Variants in STK3 observed in about 807,000 individuals in gnomAD.
STK3 encodes serine/threonine kinase 3, also known as serine/threonine-protein kinase 3.
A neutral mutation model predicts 58.0 loss-of-function variants in STK3; 41 were observed. The ratio of observed to expected loss-of-function variants is 0.71; its 90% CI spans 0.55 to 0.92. The LOEUF is 0.92. Ranked by LOEUF, STK3 falls within the 40% of genes least tolerant of loss-of-function variation. The pLI is 0.00. For missense variants in STK3, 479 were observed against 602.7 expected (o/e 0.79, Z 2.15); for synonymous variants, 170 against 191.0 (o/e 0.89, Z 0.91).
At chr8:98,390,414 A>G (rs915612239), upstream of STK3, among the ~76,000 whole-genome samples, 3 of 152,158 alleles carry the variant, frequency 2.0e-5, no homozygotes, top group African/African-American at 7.2e-5. Flanking sequence ...TTATACCACT[A>G]TAAGTAGTAT....
At chr8:98,698,768 C>T (rs1345140153) in intron 6 of STK3, among the ~76,000 whole-genome samples, 3 of 152,214 alleles carry the variant, frequency 2.0e-5, no homozygotes, top group Middle Eastern at 3.4e-3. Flanking sequence ...TGTGGGTAAC[C>T]CGACCTTTCT....
At chr8:98,640,013 T>C (rs1414298098) in intron 6 of STK3, among the ~76,000 whole-genome samples, 2 of 152,076 alleles carry the variant, frequency 1.3e-5, no homozygotes, top group African/African-American at 2.4e-5. Flanking sequence ...TGAGAGGCTG[T>C]TATTTGTTAT....
At chr8:98,736,708 T>C (rs1242500490) in intron 4 of STK3, among the ~76,000 whole-genome samples, 2 of 152,158 alleles carry the variant, frequency 1.3e-5, no homozygotes, top group African/African-American at 2.4e-5. Context: ...AATAAATATG[T>C]TACTTAGGTG....
At chr8:98,777,771 A>T (rs1831799409) in intron 1 of STK3, among the ~76,000 whole-genome samples, 1 of 152,226 alleles carries the variant, frequency 6.6e-6, no homozygotes. Flanking sequence ...CCATCCAAGC[A>T]ATGGGGAAAG....
chr8:98,530,009 C>G (rs1826052081), intron 9 of STK3, among the ~76,000 whole-genome samples: 1 of 152,148 alleles, frequency 6.6e-6, no homozygotes, highest in African/African-American at 2.4e-5. Context: ...GAACTAGATA[C>G]AGGCATATTT....
intron 10 of STK3, among the ~76,000 whole-genome samples, chr8:98,507,574 T>A (rs1310060450): frequency 1.3e-5 from 2 of 152,224 alleles, no homozygotes; most frequent in Admixed American, 6.5e-5. Context: ...TATTTCTCTA[T>A]GGCTACATAT....
At chr8:98,862,669 C>T (rs898326432) in intron 3 of STK3, among the ~76,000 whole-genome samples, 2 of 152,216 alleles carry the variant, frequency 1.3e-5, no homozygotes, top group African/African-American at 4.8e-5. Context: ...ATTTCAAGCT[C>T]ATGCGATTTT....
chr8:98,410,149 C>T (rs752175940), intron 3 of STK3, among the ~76,000 whole-genome samples: 7 of 152,000 alleles, frequency 4.6e-5, no homozygotes, highest in Non-Finnish European at 8.8e-5. Flanking sequence ...TGGCTAAAAT[C>T]GGTTTGGAAG....
rs554729463 is a variant in STK3 at position 98,781,627 on chromosome 8, GAT to G, written c.27-6810_27-6809del. On this transcript the variant is annotated intron_variant, in intron 1 of 10. Coordinates refer to ENST00000419617, the MANE Select transcript of STK3 (RefSeq NM_006281.4). Reference sequence around the variant, plus strand: ...TAGAAAGGAGATTATATTACCAAAAGATAAAGGATATTCCAGATTCTCCCTAG... The same window carrying G: ...TAGAAAGGAGATTATATTACCAAAAGAAAGGATATTCCAGATTCTCCCTAG... 3.5e-3 allele frequency among the ~76,000 whole-genome samples: 534 copies of G among 152,214 alleles called. 4 individuals carry two copies. Among genetic ancestry groups the G allele is most frequent in the South Asian group, 0.013 (62 of 4,816 alleles).
intron 3 of STK3, among the ~76,000 whole-genome samples, chr8:98,830,886 C>T (rs906353588): frequency 4.1e-5 from 6 of 145,476 alleles, no homozygotes; most frequent in East Asian, 2.1e-4. Flanking sequence ...AGGAGAATGG[C>T]GTGAACCCGG....
At chr8:98,874,322 T>C (rs1391361058) in intron 3 of STK3, among the ~76,000 whole-genome samples, 2 of 152,240 alleles carry the variant, frequency 1.3e-5, no homozygotes, top group African/African-American at 2.4e-5. Flanking sequence ...TTATGTGTCT[T>C]GGAGTTGCTC....
At chr8:98,423,805 T>A (rs1233254284) in intron 3 of STK3, among the ~76,000 whole-genome samples, 1 of 152,162 alleles carries the variant, frequency 6.6e-6, no homozygotes, top group Non-Finnish European at 1.5e-5. Flanking sequence ...GAGTCTGAGA[T>A]GTGTGGGCTC....
At chr8:98,625,923 C>T (rs530535342) in intron 6 of STK3, among the ~76,000 whole-genome samples, 3 of 152,248 alleles carry the variant, frequency 2.0e-5, no homozygotes, top group African/African-American at 7.2e-5. Context: ...TGATAGCAAA[C>T]ATGAGGAAGC....
chr8:98,393,195 T>C (rs1039442824), upstream of STK3, among the ~76,000 whole-genome samples: 3 of 152,186 alleles, frequency 2.0e-5, no homozygotes, highest in African/African-American at 7.2e-5. Flanking sequence ...TGGGGCTTAG[T>C]TGAACTTGGA....
At chr8:98,874,748 T>C (rs1837504223) in intron 3 of STK3, among the ~76,000 whole-genome samples, 1 of 151,474 alleles carries the variant, frequency 6.6e-6, no homozygotes, top group Admixed American at 6.6e-5. Flanking sequence ...CACCTCAGCC[T>C]CCCCAGTAGC....
chr8:98,712,093 T>C (rs1319028768), intron 4 of STK3, among the ~76,000 whole-genome samples: 1 of 152,190 alleles, frequency 6.6e-6, no homozygotes, highest in African/African-American at 2.4e-5. Flanking sequence ...TGAGAGATTT[T>C]GTCACCACCA....
chr8:98,714,427 A>C (rs1826820072), intron 4 of STK3, among the ~76,000 whole-genome samples: 1 of 152,234 alleles, frequency 6.6e-6, no homozygotes, highest in African/African-American at 2.4e-5. Flanking sequence ...AGGCAACTTC[A>C]GCAAAGTCTC....
intron 10 of STK3, among the ~76,000 whole-genome samples, chr8:98,516,215 TG>T (rs1282553151): frequency 2.0e-5 from 3 of 151,964 alleles, no homozygotes; most frequent in Non-Finnish European, 2.9e-5. Context: ...AGTTTAAATA[TG>T]GCGTCAAGAG....
chr8:98,617,254 T>C (rs1223389386), intron 6 of STK3, among the ~76,000 whole-genome samples: 1 of 147,370 alleles, frequency 6.8e-6, no homozygotes, highest in East Asian at 2.0e-4. Context: ...AAGATGTTCT[T>C]TGAAACCAAC....
Sources: gnomAD v4.1 joint callset for allele counts (sites outside exome capture counted in the v4.1 genomes callset) on GRCh38, gnomAD v4.1.1 for gene constraint, MANE v1.5 for transcripts, NCBI Gene and HGNC (gene_info 2026-07-23, HGNC 2026-07-21) for gene names.